The following VGLL4 variants were observed in gnomAD, a reference collection of about 807,000 sequenced individuals.
The protein encoded by VGLL4 is vestigial like family member 4.
In VGLL4, 7 loss-of-function variants were observed where a neutral mutation model predicts 21.0. The ratio of observed to expected loss-of-function variants is 0.33; its 90% CI spans 0.19 to 0.63. The LOEUF (loss-of-function observed/expected upper bound fraction) is 0.63, where lower values mean the gene tolerates loss of function less well. VGLL4 is among the 20% of genes least tolerant of loss of function. The pLI is 0.78. For synonymous variants in VGLL4, 222 were observed against 173.2 expected (o/e 1.28, Z -2.21); for missense variants, 394 against 425.7 (o/e 0.93, Z 0.66).
At chr3:11,581,346 C>A (rs553642618) in intron 2 of VGLL4, among the ~76,000 whole-genome samples, 1 of 152,190 alleles carries the variant, frequency 6.6e-6, no homozygotes, top group Non-Finnish European at 1.5e-5. Context: ...AGATTACAGA[C>A]GTGAGCCACC....
At chr3:11,644,402 A>G (rs1239736011), upstream of VGLL4, among the ~76,000 whole-genome samples, 2 of 152,144 alleles carry the variant, frequency 1.3e-5, no homozygotes, top group Non-Finnish European at 2.9e-5. Flanking sequence ...TTCTTCCATA[A>G]TCCCCATAAC....
intron 2 of VGLL4, among the ~76,000 whole-genome samples, chr3:11,574,936 T>C (rs934411076): frequency 5.9e-5 from 9 of 151,962 alleles, no homozygotes; most frequent in Non-Finnish European, 1.2e-4. Flanking sequence ...GGGAAGAAGC[T>C]TGTCGGCCGA....
chr3:11,705,501 G>C (rs796777391), intron 1 of VGLL4, among the ~76,000 whole-genome samples: 6 of 152,336 alleles, frequency 3.9e-5, no homozygotes, highest in African/African-American at 1.4e-4. Flanking sequence ...AAACCTAACA[G>C]TGCTCACATT....
intron 1 of VGLL4, among the ~76,000 whole-genome samples, chr3:11,605,772 A>C (rs1374721599): frequency 2.0e-5 from 3 of 152,248 alleles, no homozygotes; most frequent in Non-Finnish European, 4.4e-5. Flanking sequence ...CAATGAGGCA[A>C]GGTGACAGGG....
chr3:11,576,793 C>T (rs1452657145), intron 2 of VGLL4, among the ~76,000 whole-genome samples: 1 of 152,214 alleles, frequency 6.6e-6, no homozygotes, highest in African/African-American at 2.4e-5. Flanking sequence ...GAGGGCAGGA[C>T]CCACTGCCTC....
At chr3:11,661,112 C>T (rs978317699) in intron 2 of VGLL4, among the ~76,000 whole-genome samples, 2 of 152,122 alleles carry the variant, frequency 1.3e-5, no homozygotes, top group Non-Finnish European at 2.9e-5. Flanking sequence ...TCCTTCTGTC[C>T]TAGAGAGAAG....
At chr3:11,656,488 G>T (rs2075960676) in intron 2 of VGLL4, among the ~76,000 whole-genome samples, 1 of 152,206 alleles carries the variant, frequency 6.6e-6, no homozygotes, top group Admixed American at 6.5e-5. Context: ...CTGAGCTGGG[G>T]ATCTTTGCAG....
Position 11,558,765 on chromosome 3 carries a change from T to C in VGLL4, c.682A>G (p.Lys228Glu), listed in dbSNP as rs2072673619. The C allele has an allele frequency of 6.2e-7, 1 of 1,614,098 alleles. No homozygotes were observed. Among genetic ancestry groups the C allele is most frequent in the South Asian group, 1.1e-5 (1 of 91,082 alleles). ...GAGTTGGGTGCCGGCTCGGGCTCCT[T>C]GTAATTCTTGCCCAGGCTCCTGCGG... ...HFRRSLGKNYKEPEPAPNSVS... is the reference protein window; with the variant it reads ...HFRRSLGKNYEEPEPAPNSVS... The change falls in exon 5 of 5, where the codon AAG becomes GAG. Residue 228 changes from lysine to glutamate, a missense_variant. Coordinates refer to ENST00000430365, the MANE Select transcript of VGLL4 (RefSeq NM_001128219.3).
chr3:11,676,191 T>A (rs887629976), intron 2 of VGLL4, among the ~76,000 whole-genome samples: 1 of 151,606 alleles, frequency 6.6e-6, no homozygotes, highest in African/African-American at 2.4e-5. Flanking sequence ...ATCGAGACCA[T>A]CCTGGCTAAC....
chr3:11,703,459 C>T (rs1318628034), intron 1 of VGLL4, among the ~76,000 whole-genome samples: 2 of 152,160 alleles, frequency 1.3e-5, no homozygotes, highest in African/African-American at 4.8e-5. Flanking sequence ...ACACACGCCA[C>T]GTACTCATGG....
intron 1 of VGLL4, among the ~76,000 whole-genome samples, chr3:11,624,108 G>C (rs944231639): frequency 2.0e-5 from 3 of 152,122 alleles, no homozygotes; most frequent in Admixed American, 2.0e-4. Context: ...TTTCCAAAGT[G>C]AGTTCCTGGA....
At chr3:11,644,845 C>CAAAAAAAAAAAA (rs11293808), upstream of VGLL4, among the ~76,000 whole-genome samples, 1 of 71,212 alleles carries the variant, frequency 1.4e-5, no homozygotes, top group African/African-American at 4.1e-5. Flanking sequence ...GACTTTGTCT[C>CAAAAAAAAAAAA]AAAAAAAAAA....
chr3:11,696,415 C>T (rs1014875650), intron 2 of VGLL4, among the ~76,000 whole-genome samples: 1 of 152,192 alleles, frequency 6.6e-6, no homozygotes, highest in Non-Finnish European at 1.5e-5. Context: ...TTTGCTGTAC[C>T]ATGCCTCAAT....
At chr3:11,687,262 G>A (rs1468852651) in intron 2 of VGLL4, among the ~76,000 whole-genome samples, 1 of 152,040 alleles carries the variant, frequency 6.6e-6, no homozygotes, top group East Asian at 1.9e-4. Flanking sequence ...TGTATTTAAT[G>A]TACAGATTAA....
intron 2 of VGLL4, among the ~76,000 whole-genome samples, chr3:11,671,672 T>C (rs1284836072): frequency 1.3e-5 from 2 of 152,110 alleles, no homozygotes; most frequent in Non-Finnish European, 2.9e-5. Context: ...CAGGCAGCAA[T>C]ATGCTTCCTA....
intron 2 of VGLL4, among the ~76,000 whole-genome samples, chr3:11,687,462 G>A (rs1035049928): frequency 6.6e-6 from 1 of 152,028 alleles, no homozygotes; most frequent in Non-Finnish European, 1.5e-5. Flanking sequence ...ATGGGAATGA[G>A]TTTTGTTTTT....
chr3:11,700,668 T>C (rs559844770), intron 2 of VGLL4, among the ~76,000 whole-genome samples: 1 of 152,280 alleles, frequency 6.6e-6, no homozygotes, highest in South Asian at 2.1e-4. Flanking sequence ...CTGCCAAGCC[T>C]GGGTAGGTGA....
chr3:11,561,853 C>T (rs1382291775), intron 3 of VGLL4, among the ~76,000 whole-genome samples: 5 of 151,162 alleles, frequency 3.3e-5, no homozygotes, highest in African/African-American at 4.9e-5. Flanking sequence ...CACCACCTCT[C>T]CTATCTGAAA....
exon 1 of VGLL4, chr3:11,720,562 A>G (rs2076984700): frequency 6.6e-6 from 1 of 152,294 alleles, no homozygotes; most frequent in Non-Finnish European, 1.5e-5. Context: ...GCACACGCGC[A>G]CAACTCCAGG....
Sources: allele counts gnomAD v4.1 joint callset (sites outside exome capture counted in the v4.1 genomes callset), GRCh38; gene constraint gnomAD v4.1.1; transcripts MANE v1.5; gene names NCBI Gene and HGNC (gene_info 2026-07-23, HGNC 2026-07-21).